Variants in LMO1 observed in about 807,000 individuals in gnomAD.
The protein encoded by LMO1 is LIM domain only 1.
A neutral mutation model predicts 18.0 loss-of-function variants in LMO1; 10 were observed. The ratio of observed to expected loss-of-function variants is 0.55; its 90% confidence interval spans 0.34 to 0.94. LMO1 has a LOEUF of 0.94. Among genes scored for constraint, LMO1 ranks in the 40% least tolerant of loss-of-function variants. The pLI, the probability that LMO1 is intolerant of heterozygous loss-of-function variation, is 0.02. For missense variants in LMO1, 183 were observed against 205.7 expected, an observed-to-expected ratio of 0.89 and a Z score of 0.68; for synonymous variants, 77 against 77.9, an observed-to-expected ratio of 0.99 and a Z score of 0.06.
At chr11:8,268,467 C>T, upstream of LMO1, 1 of 1,432,784 alleles carries the variant, frequency 7.0e-7, no homozygotes, top group Non-Finnish European at 9.2e-7. Flanking sequence ...CGGCTCCAGC[C>T]GGACTAGCGC....
rs766566695 is a variant in LMO1, at chr11:8,236,708, C to T, written c.26-6204G>A. ...TTCCCCACGTCCACATGATCACACA[C>T]GTACACTAGGTCCATGTGAGGAGGG... is the stretch of plus-strand genomic sequence containing the variant. On this transcript the variant is annotated intron_variant, in intron 1 of 3. Transcript: ENST00000335790. Among the ~76,000 whole-genome samples, 7 of 152,118 alleles carry T rather than the reference C, an allele frequency of 4.6e-5. No individual in the cohort carries two copies. The East Asian group carries it at 1.4e-3, about 29-fold the overall frequency.
At chr11:8,234,708 A>C (rs204924) in intron 1 of LMO1, among the ~76,000 whole-genome samples, 151,703 of 152,290 alleles carry the variant, frequency 1, 75,562 homozygotes, top group East Asian at 1. Context: ...CCCTCCCACA[A>C]GCCAGTGTCT....
At position 8,225,548 on chromosome 11, in the gene LMO1, A is replaced by G. The variant is rs552583312; in HGVS notation, c.366-827T>C. On this transcript the variant is annotated intron_variant, in intron 3 of 3. Coordinates refer to ENST00000335790, the MANE Select transcript of LMO1 (RefSeq NM_002315.3). ...GGCATTCTTCCTCTAAACAAAATTGATAAGTTACCTAGAGCATCCTTCTAG... is the reference window on the plus strand; with the variant it reads ...GGCATTCTTCCTCTAAACAAAATTGGTAAGTTACCTAGAGCATCCTTCTAG... Among the ~76,000 whole-genome samples, 3 of 152,100 alleles carry G rather than the reference A, an allele frequency of 2.0e-5. No homozygotes were observed. In the South Asian group the frequency reaches 6.2e-4, roughly 32 times the overall value.
At chr11:8,245,506 C>T (rs1254561205) in intron 1 of LMO1, among the ~76,000 whole-genome samples, 5 of 152,190 alleles carry the variant, frequency 3.3e-5, no homozygotes, top group Admixed American at 3.3e-4. Context: ...TAGCTATTTA[C>T]AGAAGCCCTT....
rs562469846 is a variant in LMO1, at chr11:8,244,426, C to A, written c.26-13922G>T. Among the ~76,000 whole-genome samples the A allele has an allele frequency of 1.3e-4, 20 of 152,358 alleles. No homozygotes were observed. In the South Asian group the frequency reaches 3.9e-3, roughly 30 times the overall value. ...CCAGATCAATTTGTTCACGATAGAGCCCTGTGAGCGGAACCCGCATGGCGG... is the reference window on the plus strand; with the variant it reads ...CCAGATCAATTTGTTCACGATAGAGACCTGTGAGCGGAACCCGCATGGCGG... On this transcript the variant is annotated intron_variant, in intron 1 of 3. Coordinates refer to ENST00000335790, the MANE Select transcript of LMO1 (RefSeq NM_002315.3).
intron 1 of LMO1, among the ~76,000 whole-genome samples, chr11:8,251,742 T>C (rs1442895626): frequency 7.8e-6 from 1 of 128,368 alleles, no homozygotes; most frequent in Non-Finnish European, 1.7e-5. Flanking sequence ...ATGGGGGGGG[T>C]ATAGGGGTGT....
intron 3 of LMO1, among the ~76,000 whole-genome samples, chr11:8,225,682 C>T (rs2134508203): frequency 6.6e-6 from 1 of 152,274 alleles, no homozygotes; most frequent in Admixed American, 6.5e-5. Context: ...TAAAGATGTC[C>T]CCAGGGTGGG....
intron 1 of LMO1, among the ~76,000 whole-genome samples, chr11:8,258,308 C>G (rs1847131004): frequency 6.6e-6 from 1 of 152,192 alleles, no homozygotes; most frequent in Non-Finnish European, 1.5e-5. Flanking sequence ...GGGGGCACAG[C>G]TCTGGAGGGA....
Position 8,255,158 on chromosome 11 carries a change from T to G in LMO1, c.25+8180A>C, listed in dbSNP as rs1340184389. ...TTGTGATTTATTTTGGCCGATAGAA[T>G]GCAGCAGAAGCGACAAGATCCCAGT... is the stretch of plus-strand genomic sequence containing the variant. On this transcript the variant is annotated intron_variant, in intron 1 of 3. Transcript: ENST00000335790. Among the ~76,000 whole-genome samples the G allele has an allele frequency of 4.6e-5, 7 of 152,276 alleles. No homozygotes were observed. In the East Asian group the frequency reaches 1.4e-3, roughly 29 times the overall value.
intron 1 of LMO1, among the ~76,000 whole-genome samples, chr11:8,237,376 A>G (rs759820364): frequency 1.8e-4 from 27 of 152,204 alleles, no homozygotes; most frequent in Non-Finnish European, 3.4e-4. Flanking sequence ...TCTCAGAAGT[A>G]ACTTCATTTC....
chr11:8,226,146 A>G (rs999118242), intron 3 of LMO1, among the ~76,000 whole-genome samples: 5 of 152,016 alleles, frequency 3.3e-5, no homozygotes, highest in African/African-American at 7.3e-5. Context: ...TGCACATACT[A>G]TACACTGGGT....
rs771256310 is a variant in LMO1, at chr11:8,230,427, A to G, written c.103T>C (p.Tyr35His). The part of the protein sequence containing the change: ...AGCNRKIKDR[Y>H]LLKALDKYWH... ...TACTTGTCCAATGCCTTCAGCAGAT[A>G]GCGGTCCTTGATCTTGCGGTTACAG... is the stretch of plus-strand genomic sequence containing the variant. Residue 35 changes from tyrosine (Y) to histidine (H), a missense_variant, in exon 2 of 4, where the codon TAT (tyrosine) becomes CAT (histidine). By Grantham distance (83) the Tyr-to-His change is moderately conservative. Transcript: ENST00000335790. The G allele has an allele frequency of 6.2e-7, 1 of 1,614,060 alleles. No homozygotes were observed.
upstream of LMO1, chr11:8,268,409 C>T (rs1292615583): frequency 1.4e-6 from 2 of 1,467,982 alleles, no homozygotes; most frequent in Non-Finnish European, 9.0e-7. Context: ...GCACCGGCAC[C>T]GGGCGCCGGG....
intron 3 of LMO1, among the ~76,000 whole-genome samples, chr11:8,226,386 G>A (rs1383238812): frequency 2.0e-5 from 3 of 152,090 alleles, no homozygotes; most frequent in South Asian, 2.1e-4. Flanking sequence ...GGTGGCACAC[G>A]CCTGTAGTCC....
intron 1 of LMO1, among the ~76,000 whole-genome samples, chr11:8,251,993 C>CGTGTGTGGGGGTGTGT (rs1847009108): frequency 1.4e-5 from 2 of 142,308 alleles, no homozygotes; most frequent in African/African-American, 2.7e-5. Context: ...TGGGGGTGTG[C>CGTGTGTGGGGGTGTGT]GTGTGTGTGT....
chr11:8,258,849 G>A (rs1406253887), intron 1 of LMO1, among the ~76,000 whole-genome samples: 1 of 152,220 alleles, frequency 6.6e-6, no homozygotes, highest in Non-Finnish European at 1.5e-5. Context: ...CCAAGTGAGT[G>A]GTCATGCCAG....
At chr11:8,226,850 G>C in intron 3 of LMO1, 125 bp downstream of exon 3, 1 of 1,420,376 alleles carries the variant, frequency 7.0e-7, no homozygotes. Context: ...TAACCTGCAC[G>C]CACCACCACA....
At chr11:8,261,164 A>C (rs72852579) in intron 1 of LMO1, among the ~76,000 whole-genome samples, 45,976 of 151,938 alleles carry the variant, frequency 0.3, 7,074 homozygotes, top group Non-Finnish European at 0.34. Flanking sequence ...TGCTTAGGAC[A>C]CCAGTGGATG....
Position 8,227,092 on chromosome 11 carries a change from C to A in LMO1, c.248G>T (p.Gly83Val). 6.2e-7 allele frequency: 1 copy of A among 1,613,132 alleles called. No individual in the cohort carries two copies. Among genetic ancestry groups the A allele is most frequent in the Non-Finnish European group, 8.5e-7 (1 of 1,179,406 alleles). The change falls in exon 3 of 4, where the codon GGC (glycine) becomes GTC (valine). Residue 83 changes from glycine (G) to valine (V), a missense_variant. Transcript: ENST00000335790. ...LCRRDYLRLF[G>V]TTGNCAACSK... ...GCAAGCAGCACAGTTCCCTGTGGTG[C>A]CAAAGAGCCTGCCGAGGGAAGGGCG...
Sources: allele counts gnomAD v4.1 joint callset (sites outside exome capture counted in the v4.1 genomes callset), GRCh38; gene constraint gnomAD v4.1.1; transcripts MANE v1.5; gene names NCBI Gene and HGNC (gene_info 2026-07-23, HGNC 2026-07-21).